The following LMLN variants were observed in gnomAD, a reference collection of about 807,000 sequenced individuals.
The protein encoded by LMLN is leishmanolysin-like peptidase.
Under a neutral mutation model 92.3 loss-of-function variants are expected in LMLN, and 70 were observed. The ratio of observed to expected loss-of-function variants is 0.76; its 90% CI spans 0.63 to 0.92. LMLN has a LOEUF of 0.92. LMLN is among the 40% of genes least tolerant of loss of function. The pLI is 0.00. For synonymous variants in LMLN, 308 were observed against 296.2 expected, an observed-to-expected ratio of 1.04 and a Z score of -0.41; for missense variants, 691 against 814.6, an observed-to-expected ratio of 0.85 and a Z score of 1.85.
At chr3:197,984,039 T>C in exon 7 of LMLN, 1 of 1,603,822 alleles carries the variant, frequency 6.2e-7, no homozygotes, top group Non-Finnish European at 8.5e-7. Context: ...ATGAGGTTAT[T>C]CATGCCCTGG....
At chr3:198,032,666 C>T (rs539713006) in intron 14 of LMLN, among the ~76,000 whole-genome samples, 17 of 152,064 alleles carry the variant, frequency 1.1e-4, no homozygotes, top group Non-Finnish European at 2.1e-4. Flanking sequence ...AGGGAGCTCC[C>T]GACCTCTTGA....
At chr3:197,973,153 G>A (rs1328588054) in intron 1 of LMLN, among the ~76,000 whole-genome samples, 18 of 151,962 alleles carry the variant, frequency 1.2e-4, no homozygotes, top group Admixed American at 1.1e-3. Flanking sequence ...TATTTTGTCC[G>A]GACTTTGTAA....
intron 11 of LMLN, among the ~76,000 whole-genome samples, chr3:198,001,622 T>C (rs562527194): frequency 2.0e-5 from 3 of 152,356 alleles, no homozygotes; most frequent in Non-Finnish European, 4.4e-5. Context: ...CACATTGTAG[T>C]TGCAGAAGTT....
intron 11 of LMLN, among the ~76,000 whole-genome samples, chr3:198,006,355 A>G (rs937981533): frequency 4.6e-5 from 7 of 152,178 alleles, no homozygotes; most frequent in African/African-American, 1.4e-4. Context: ...GTTTTGGGCT[A>G]TTATGAATGA....
At chr3:198,011,065 A>T (rs1463462413) in intron 11 of LMLN, among the ~76,000 whole-genome samples, 3 of 151,890 alleles carry the variant, frequency 2.0e-5, no homozygotes, top group African/African-American at 7.3e-5. Flanking sequence ...GTTCTTTTAA[A>T]TTTGTTCAGG....
Position 197,966,920 on chromosome 3 carries a change from G to A in LMLN, c.219+6480G>A, listed in dbSNP as rs550884023. Among the ~76,000 whole-genome samples the A allele has an allele frequency of 4.6e-5, 7 of 152,048 alleles. No individual in the cohort carries two copies. The East Asian group carries it at 1.4e-3, about 30-fold the overall frequency. On this transcript the variant is annotated intron_variant, in intron 1 of 15. Transcript: ENST00000330198. ...GCAGTCCTCCTGCCTCAGCCTCCCA[G>A]TTAGCTAGGATTACAGGTGAGAGCC...
At chr3:198,023,068 C>T (rs1722825169) in intron 13 of LMLN, among the ~76,000 whole-genome samples, 1 of 152,112 alleles carries the variant, frequency 6.6e-6, no homozygotes. Context: ...CATAAGGTCT[C>T]TAGCTTTCTG....
intron 14 of LMLN, among the ~76,000 whole-genome samples, chr3:198,027,759 T>C (rs1485907570): frequency 2.6e-5 from 4 of 152,222 alleles, no homozygotes; most frequent in South Asian, 2.1e-4. Context: ...TTTGAATCAG[T>C]TGATGGACAC....
chr3:197,991,518 C>T (rs1236026411), intron 9 of LMLN, among the ~76,000 whole-genome samples: 1 of 152,074 alleles, frequency 6.6e-6, no homozygotes, highest in Admixed American at 6.6e-5. Context: ...CCTTGGAGTC[C>T]AAAGGCAGAA....
chr3:198,012,384 G>A (rs1462329327), intron 11 of LMLN, among the ~76,000 whole-genome samples: 1 of 152,202 alleles, frequency 6.6e-6, no homozygotes, highest in Non-Finnish European at 1.5e-5. Context: ...GTGAAGCGTT[G>A]CACAAATGTC....
chr3:198,035,656 G>A (rs558619697), intron 14 of LMLN, among the ~76,000 whole-genome samples, 177 bp from the exon 16 acceptor site: 5 of 152,006 alleles, frequency 3.3e-5, no homozygotes, highest in Admixed American at 6.5e-5. Flanking sequence ...CACCGCGCCC[G>A]GCCAACTTAA....
chr3:197,972,469 C>G (rs1467373356), intron 1 of LMLN, among the ~76,000 whole-genome samples: 1 of 152,140 alleles, frequency 6.6e-6, no homozygotes, highest in East Asian at 1.9e-4. Context: ...GGTTCACTAT[C>G]TGCTTACTCA....
In LMLN at chr3:197,977,778, G is replaced by A. The variant is rs146504607; in HGVS notation, c.549+1063G>A. On this transcript the variant is annotated intron_variant, in intron 5 of 15. Transcript: ENST00000330198. ...ATAAAAATCATCAAACAGTCTGGAA[G>A]TATACACACGTTAAATCTGGATACA... 4.7e-3 allele frequency among the ~76,000 whole-genome samples: 707 copies of A among 151,318 alleles called. 7 individuals are homozygous for A. The highest frequency in any genetic ancestry group is 0.016 in the African/African-American group (670 of 41,240).
chr3:198,008,606 A>G (rs1316647422), intron 11 of LMLN, among the ~76,000 whole-genome samples: 1 of 152,228 alleles, frequency 6.6e-6, no homozygotes, highest in African/African-American at 2.4e-5. Context: ...CCATGCCTGT[A>G]GTCCCAGCTA....
chr3:198,011,239 T>C (rs6605315), intron 11 of LMLN, among the ~76,000 whole-genome samples: 46,632 of 145,188 alleles, frequency 0.32, 8,092 homozygotes, highest in African/African-American at 0.65. Context: ...TGTCATTTAG[T>C]ATTAGGTATA....
At chr3:198,012,391 T>C (rs1722471920) in intron 11 of LMLN, among the ~76,000 whole-genome samples, 1 of 152,182 alleles carries the variant, frequency 6.6e-6, no homozygotes, top group African/African-American at 2.4e-5. Flanking sequence ...GTTGCACAAA[T>C]GTCAGTTAAG....
chr3:198,012,845 T>C (rs867582271), intron 11 of LMLN, among the ~76,000 whole-genome samples: 516 of 95,142 alleles, frequency 5.4e-3, no homozygotes, highest in Middle Eastern at 0.026. Context: ...CCCTTCAGAG[T>C]CCCCTAACTA....
chr3:197,966,142 A>C (rs1433564072), intron 1 of LMLN, among the ~76,000 whole-genome samples: 1 of 152,180 alleles, frequency 6.6e-6, no homozygotes, highest in Non-Finnish European at 1.5e-5. Flanking sequence ...TCCTGGGTTC[A>C]AGCAATTCTC....
intron 1 of LMLN, among the ~76,000 whole-genome samples, chr3:197,968,133 A>T (rs938023488): frequency 2.0e-5 from 3 of 152,210 alleles, no homozygotes; most frequent in Admixed American, 6.5e-5. Context: ...GCTTAGGAAG[A>T]TAACAAGATT....
Sources: allele counts gnomAD v4.1 joint callset (sites outside exome capture counted in the v4.1 genomes callset), GRCh38; gene constraint gnomAD v4.1.1; transcripts MANE v1.5; gene names NCBI Gene and HGNC (gene_info 2026-07-23, HGNC 2026-07-21).